Variants in DACH1 observed in about 807,000 individuals in gnomAD.
DACH1 encodes the protein dachshund homolog 1.
In DACH1, 12 loss-of-function variants were observed where a neutral mutation model predicts 54.2. The ratio of observed to expected loss-of-function variants is 0.22; its 90% CI spans 0.14 to 0.36. The LOEUF (loss-of-function observed/expected upper bound fraction) is 0.36. DACH1 is among the 10% of genes least tolerant of loss of function. The pLI is 1.00. For missense variants in DACH1, 805 were observed against 929.8 expected, an observed-to-expected ratio of 0.87 and a Z score of 1.75; for synonymous variants, 386 against 366.2, an observed-to-expected ratio of 1.05 and a Z score of -0.62.
At position 71,779,188 on chromosome 13, in the gene DACH1, C is replaced by T. The variant is rs9564841; in HGVS notation, c.848+86734G>A. 4.6e-3 allele frequency among the ~76,000 whole-genome samples: 566 copies of T among 124,076 alleles called. 10 individuals carry two copies. The highest frequency in any genetic ancestry group is 0.017 in the African/African-American group (530 of 30,564). The allele number at this position is 124,076 out of a possible 152,430, so 81.4% of individuals were successfully genotyped here. On this transcript the variant is annotated intron_variant, in intron 1 of 10. Coordinates refer to ENST00000613252, the MANE Select transcript of DACH1 (RefSeq NM_080759.6). Reference sequence around the variant, plus strand: ...ATACGTATATATATACACATATATACGTATATACGTATATATGTGTATATA... The same window carrying T: ...ATACGTATATATATACACATATATATGTATATACGTATATATGTGTATATA...
intron 3 of DACH1, among the ~76,000 whole-genome samples, chr13:71,577,130 G>T (rs1885578680): frequency 6.6e-6 from 1 of 152,022 alleles, no homozygotes; most frequent in Non-Finnish European, 1.5e-5. Context: ...AACTCCCATT[G>T]CCTCTTGATA....
At chr13:71,835,497 CT>C (rs1226125407) in intron 1 of DACH1, among the ~76,000 whole-genome samples, 1 of 152,018 alleles carries the variant, frequency 6.6e-6, no homozygotes, top group Non-Finnish European at 1.5e-5. Context: ...GTCTTGTCTC[CT>C]AAAATTATCC....
intron 3 of DACH1, among the ~76,000 whole-genome samples, chr13:71,588,806 C>T (rs906126996): frequency 3.3e-5 from 5 of 151,784 alleles, no homozygotes; most frequent in African/African-American, 7.3e-5. Context: ...AAATAAATGG[C>T]TATTTTCCTC....
chr13:71,789,309 AG>A (rs1245293357), intron 1 of DACH1, among the ~76,000 whole-genome samples: 3 of 152,152 alleles, frequency 2.0e-5, no homozygotes, highest in African/African-American at 7.2e-5. Flanking sequence ...CTGATATTGC[AG>A]AGCTTCATTA....
chr13:71,474,846 G>T (rs930584853), intron 10 of DACH1, among the ~76,000 whole-genome samples: 3 of 152,128 alleles, frequency 2.0e-5, no homozygotes, highest in African/African-American at 7.2e-5. Context: ...GCATTAGACT[G>T]GGCTTCACAC....
At chr13:71,843,980 T>C (rs1873055950) in intron 1 of DACH1, among the ~76,000 whole-genome samples, 2 of 152,108 alleles carry the variant, frequency 1.3e-5, no homozygotes, top group African/African-American at 4.8e-5. Context: ...AGAATCAAAC[T>C]GCATAGGAGA....
At chr13:71,539,111 AC>A (rs1263005845) in intron 6 of DACH1, among the ~76,000 whole-genome samples, 2 of 152,054 alleles carry the variant, frequency 1.3e-5, no homozygotes, top group African/African-American at 2.4e-5. Context: ...CCATATACAC[AC>A]AGCTCTATTT....
chr13:71,520,077 C>T (rs923484418), intron 6 of DACH1, among the ~76,000 whole-genome samples: 1 of 150,602 alleles, frequency 6.6e-6, no homozygotes. Context: ...AAAACAAGTC[C>T]AAAGCCACTG....
intron 1 of DACH1, among the ~76,000 whole-genome samples, chr13:71,696,834 C>T (rs1213152283): frequency 1.3e-5 from 2 of 152,182 alleles, no homozygotes; most frequent in South Asian, 2.1e-4. Context: ...GCATGAGCCA[C>T]CGTGCCCGGC....
chr13:71,672,073 G>T (rs917336029), intron 2 of DACH1, among the ~76,000 whole-genome samples: 7 of 152,068 alleles, frequency 4.6e-5, no homozygotes, highest in African/African-American at 1.2e-4. Flanking sequence ...AAAAATTGTG[G>T]TGCCATGACT....
At chr13:71,790,113 G>A (rs1886773522) in intron 1 of DACH1, among the ~76,000 whole-genome samples, 1 of 152,088 alleles carries the variant, frequency 6.6e-6, no homozygotes, top group African/African-American at 2.4e-5. Flanking sequence ...GATAACAAAT[G>A]ACTTCATGGT....
intron 1 of DACH1, among the ~76,000 whole-genome samples, chr13:71,744,888 A>T (rs376341074): frequency 6.6e-6 from 1 of 152,324 alleles, no homozygotes; most frequent in South Asian, 2.1e-4. Context: ...TGGGAGTCAA[A>T]CATGAATTCT....
intron 3 of DACH1, among the ~76,000 whole-genome samples, chr13:71,599,181 A>G (rs964817622): frequency 6.6e-6 from 1 of 152,310 alleles, no homozygotes; most frequent in Non-Finnish European, 1.5e-5. Context: ...TCATCTAAAA[A>G]ATGAGTTTTA....
intron 6 of DACH1, among the ~76,000 whole-genome samples, chr13:71,531,667 T>A (rs941345065): frequency 3.3e-5 from 5 of 151,976 alleles, no homozygotes; most frequent in African/African-American, 1.2e-4. Context: ...CAGTTCCCAA[T>A]ACACATCTGT....
chr13:71,654,388 T>C (rs1878905247), intron 2 of DACH1, among the ~76,000 whole-genome samples: 1 of 76,940 alleles, frequency 1.3e-5, no homozygotes, highest in Non-Finnish European at 2.7e-5. Context: ...AGACTCTGTC[T>C]CAAAATAAAA....
chr13:71,627,606 C>A (rs1876748555), intron 3 of DACH1, among the ~76,000 whole-genome samples: 1 of 152,044 alleles, frequency 6.6e-6, no homozygotes, highest in Admixed American at 6.6e-5. Context: ...TGCTTCAGCA[C>A]CGCTTCCTAA....
chr13:71,478,552 A>G (rs1877770784), intron 8 of DACH1, among the ~76,000 whole-genome samples: 2 of 152,210 alleles, frequency 1.3e-5, no homozygotes, highest in African/African-American at 4.8e-5. Flanking sequence ...AAAATTATCT[A>G]TAGATGCACC....
chr13:71,716,546 A>C (rs1882975335), intron 1 of DACH1, among the ~76,000 whole-genome samples: 1 of 152,010 alleles, frequency 6.6e-6, no homozygotes, highest in Admixed American at 6.6e-5. Flanking sequence ...GAGAAGCCCT[A>C]CACCAATTCT....
chr13:71,776,240 A>T (rs2138049329), intron 1 of DACH1, among the ~76,000 whole-genome samples: 1 of 152,254 alleles, frequency 6.6e-6, no homozygotes, highest in Non-Finnish European at 1.5e-5. Context: ...AAAATGTTTC[A>T]CAACCAAGGT....
Sources: gnomAD v4.1 joint callset for allele counts (sites outside exome capture counted in the v4.1 genomes callset) on GRCh38, gnomAD v4.1.1 for gene constraint, MANE v1.5 for transcripts, NCBI Gene and HGNC (gene_info 2026-07-23, HGNC 2026-07-21) for gene names.